AOPEP: variants seen among roughly 807,000 people sequenced by gnomAD.
AOPEP encodes the protein aminopeptidase O.
AOPEP carries 77 observed loss-of-function variants against 98.1 expected under a neutral mutation model. The ratio of observed to expected loss-of-function variants is 0.78; its 90% confidence interval spans 0.65 to 0.95. The LOEUF (loss-of-function observed/expected upper bound fraction) is 0.95. AOPEP is among the 40% of genes least tolerant of loss of function. AOPEP has a pLI of 0.00. For synonymous variants in AOPEP, 346 were observed against 365.3 expected, an observed-to-expected ratio of 0.95 and a Z score of 0.60; for missense variants, 1,024 against 1,024.7, an observed-to-expected ratio of 1.00 and a Z score of 0.01.
At chr9:94,940,632 G>A (rs2056904224) in intron 7 of AOPEP, among the ~76,000 whole-genome samples, 1 of 151,942 alleles carries the variant, frequency 6.6e-6, no homozygotes, top group Admixed American at 6.6e-5. Context: ...AAATAAAATA[G>A]AATGAATATT....
chr9:94,834,962 G>A (rs1421935178), intron 5 of AOPEP, among the ~76,000 whole-genome samples: 1 of 152,152 alleles, frequency 6.6e-6, no homozygotes, highest in Non-Finnish European at 1.5e-5. Context: ...ATGTCAGAAT[G>A]GGAAATTTAT....
chr9:95,119,911 T>C, the AOPEP span, among the ~76,000 whole-genome samples: 1 of 152,134 alleles, frequency 6.6e-6, no homozygotes, highest in African/African-American at 2.4e-5. Context: ...GGGGTCTTAC[T>C]TTGTTGCCCA....
chr9:94,968,574 G>A (rs529590489), intron 10 of AOPEP, among the ~76,000 whole-genome samples: 3 of 151,168 alleles, frequency 2.0e-5, no homozygotes, highest in Admixed American at 2.0e-4. Flanking sequence ...TTGGGGTTTC[G>A]CCATGTTGGC....
the AOPEP span, among the ~76,000 whole-genome samples, chr9:95,131,885 T>C: frequency 6.6e-5 from 10 of 152,140 alleles, no homozygotes; most frequent in Non-Finnish European, 1.0e-4. Flanking sequence ...CTACAATTGC[T>C]ACCTGGAGAA....
At chr9:94,859,353 C>G (rs765444619) in intron 5 of AOPEP, among the ~76,000 whole-genome samples, 5 of 152,220 alleles carry the variant, frequency 3.3e-5, no homozygotes, top group Admixed American at 1.3e-4. Flanking sequence ...CTTCAAATCT[C>G]TGTCGGCACT....
intron 14 of AOPEP, among the ~76,000 whole-genome samples, chr9:95,064,990 TTTGGAGGGC>T (rs1377721545): frequency 6.6e-6 from 1 of 152,224 alleles, no homozygotes; most frequent in African/African-American, 2.4e-5. Flanking sequence ...CGTCTTCTGC[TTTGGAGGGC>T]TTGGAGATGT....
intron 5 of AOPEP, among the ~76,000 whole-genome samples, chr9:94,896,198 A>C (rs1302695826): frequency 6.6e-6 from 1 of 152,260 alleles, no homozygotes; most frequent in Non-Finnish European, 1.5e-5. Context: ...TAAACTTCTT[A>C]AAAATCATTC....
chr9:94,932,253 G>A (rs2055449756), intron 7 of AOPEP: 28 of 985,388 alleles, frequency 2.8e-5, no homozygotes, highest in Non-Finnish European at 3.4e-5. Context: ...AACACATGAA[G>A]TATGTGTCTT....
At chr9:94,743,799 G>A (rs1833810300) in intron 1 of AOPEP, among the ~76,000 whole-genome samples, 1 of 152,172 alleles carries the variant, frequency 6.6e-6, no homozygotes, top group South Asian at 2.1e-4. Flanking sequence ...ATTAGGAGGG[G>A]AAACGTGGAT....
At chr9:94,963,241 T>C (rs1319981722) in intron 9 of AOPEP, among the ~76,000 whole-genome samples, 1 of 152,218 alleles carries the variant, frequency 6.6e-6, no homozygotes, top group African/African-American at 2.4e-5. Flanking sequence ...CAGAAATTGC[T>C]AGCCCCATGT....
At chr9:94,858,091 A>C (rs1021177199) in intron 5 of AOPEP, among the ~76,000 whole-genome samples, 2 of 152,004 alleles carry the variant, frequency 1.3e-5, no homozygotes, top group Admixed American at 6.5e-5. Flanking sequence ...TTGAAAAAAA[A>C]AAAAAACAAA....
chr9:94,977,233 C>T lies in AOPEP; in HGVS notation c.1917-2134C>T, dbSNP rs921991364. Among the ~76,000 whole-genome samples, 3 of 152,240 alleles carry T rather than the reference C, an allele frequency of 2.0e-5. No individual in the cohort carries two copies. In the South Asian group the frequency reaches 6.2e-4, roughly 32 times the overall value. ...AAGGCCTATTCTTGGTGGGTATGAA[C>T]GCACTGTCCCCACCTTATCTGCTGC... On this transcript the variant is annotated intron_variant, in intron 10 of 16. Transcript: ENST00000375315.
chr9:94,953,617 TAGTA>T (rs1304894064), intron 7 of AOPEP, among the ~76,000 whole-genome samples: 1 of 152,194 alleles, frequency 6.6e-6, no homozygotes, highest in Non-Finnish European at 1.5e-5. Context: ...AAATGAAGGT[TAGTA>T]AGTAACAGGT....
At chr9:94,788,667 T>C (rs1844979387) in intron 3 of AOPEP, among the ~76,000 whole-genome samples, 1 of 152,182 alleles carries the variant, frequency 6.6e-6, no homozygotes, top group Admixed American at 6.5e-5. Context: ...CATAGACTGA[T>C]TTCTTAAGCT....
intron 9 of AOPEP, among the ~76,000 whole-genome samples, chr9:94,963,447 T>C (rs1330238715): frequency 6.6e-6 from 1 of 152,190 alleles, no homozygotes; most frequent in East Asian, 1.9e-4. Flanking sequence ...ATGGACCTGA[T>C]TGGCATATAG....
intron 5 of AOPEP, among the ~76,000 whole-genome samples, chr9:94,889,863 A>G (rs138447614): frequency 3.4e-4 from 52 of 152,290 alleles, no homozygotes; most frequent in African/African-American, 1.2e-3. Flanking sequence ...TTGTAATTTT[A>G]GCCAATCAGA....
intron 1 of AOPEP, among the ~76,000 whole-genome samples, chr9:94,738,809 C>T (rs545069326): frequency 2.2e-4 from 34 of 152,230 alleles, no homozygotes; most frequent in East Asian, 1.2e-3. Flanking sequence ...CTCCTGACTT[C>T]GTGATCCGCC....
At chr9:94,754,556 A>T (rs960488542) in intron 1 of AOPEP, among the ~76,000 whole-genome samples, 2 of 152,260 alleles carry the variant, frequency 1.3e-5, no homozygotes, top group Non-Finnish European at 2.9e-5. Context: ...GCAATAACTT[A>T]GCACTAGACT....
chr9:95,024,357 T>C (rs1183076758), intron 13 of AOPEP, among the ~76,000 whole-genome samples: 4 of 152,216 alleles, frequency 2.6e-5, no homozygotes, highest in African/African-American at 9.6e-5. Context: ...TAGCAGTTCA[T>C]CCACAAGCTC....
Sources: allele counts gnomAD v4.1 joint callset (sites outside exome capture counted in the v4.1 genomes callset), GRCh38; gene constraint gnomAD v4.1.1; transcripts MANE v1.5; gene names NCBI Gene and HGNC (gene_info 2026-07-23, HGNC 2026-07-21).